Variants in SGCD observed in about 807,000 individuals in gnomAD.
The protein encoded by SGCD is sarcoglycan delta, also known as delta-sarcoglycan.
A neutral mutation model predicts 36.6 loss-of-function variants in SGCD; 18 were observed. The observed-to-expected ratio is 0.49, with a 90% CI of 0.34 to 0.73. SGCD has a LOEUF of 0.73. Among genes scored for constraint, SGCD ranks in the 30% least tolerant of loss-of-function variants. The probability of loss-of-function intolerance (pLI) is 0.01; values close to 1 mark genes in which losing one functional copy is unlikely to be tolerated. For synonymous variants in SGCD, 133 were observed against 130.6 expected (o/e 1.02, Z -0.12); for missense variants, 387 against 346.7 (o/e 1.12, Z -0.92).
chr5:155,937,041 C>T (rs1234182294), intron 1 of SGCD, among the ~76,000 whole-genome samples: 4 of 152,308 alleles, frequency 2.6e-5, no homozygotes, highest in East Asian at 3.9e-4. Context: ...GTAGCAGACA[C>T]GTCCAAGCCT....
intron 4 of SGCD, among the ~76,000 whole-genome samples, chr5:156,575,307 G>A (rs533032886): frequency 1.3e-5 from 2 of 152,270 alleles, no homozygotes; most frequent in African/African-American, 4.8e-5. Context: ...GGCTTTCTCA[G>A]AAACCATGGT....
chr5:156,218,661 A>T, intron 3 of SGCD, among the ~76,000 whole-genome samples: 1 of 151,808 alleles, frequency 6.6e-6, no homozygotes, highest in Non-Finnish European at 1.5e-5. Flanking sequence ...TTCCATTCTT[A>T]CTCTATTTCC....
chr5:155,798,287 C>T, the SGCD span, among the ~76,000 whole-genome samples: 1 of 152,200 alleles, frequency 6.6e-6, no homozygotes, highest in Non-Finnish European at 1.5e-5. Flanking sequence ...ACTGATTTAG[C>T]ATACTTTGTT....
intron 4 of SGCD, among the ~76,000 whole-genome samples, chr5:156,528,052 CTGTT>C (rs1051872309): frequency 5.9e-5 from 9 of 151,902 alleles, no homozygotes; most frequent in African/African-American, 1.7e-4. Flanking sequence ...TTACATTTAC[CTGTT>C]TGTTTGTTTC....
intron 1 of SGCD, among the ~76,000 whole-genome samples, chr5:156,068,518 A>G (rs1760413296): frequency 6.6e-6 from 1 of 151,838 alleles, no homozygotes; most frequent in African/African-American, 2.4e-5. Context: ...AATCCAGTCT[A>G]TCATTGTTGG....
At chr5:156,644,234 T>A (rs1210986823) in intron 6 of SGCD, among the ~76,000 whole-genome samples, 1 of 152,190 alleles carries the variant, frequency 6.6e-6, no homozygotes, top group African/African-American at 2.4e-5. Flanking sequence ...TCCTAGTAAT[T>A]TTTGTGTCTA....
chr5:156,539,602 T>C (rs1221272418), intron 4 of SGCD, among the ~76,000 whole-genome samples: 2 of 152,188 alleles, frequency 1.3e-5, no homozygotes, highest in African/African-American at 4.8e-5. Context: ...TTCATTTTTA[T>C]GGCTGAGTAG....
At chr5:156,235,875 A>T (rs1270832427) in intron 3 of SGCD, among the ~76,000 whole-genome samples, 1 of 152,174 alleles carries the variant, frequency 6.6e-6, no homozygotes, top group Non-Finnish European at 1.5e-5. Flanking sequence ...GGAAATTGGG[A>T]AATCCAAAGA....
rs1278769077 is a variant in SGCD, at chr5:156,015,384, A to T, written c.-281-102494A>T. ...TCTTCTGTCCTTTTTATACATCTTC[A>T]TTATCTTTTGAGCATTTATTCCCTT... On this transcript the variant is annotated intron_variant, in intron 1 of 9. Transcript: ENST00000517913. Among the ~76,000 whole-genome samples, 3 of 152,080 alleles carry T rather than the reference A, an allele frequency of 2.0e-5. No homozygotes were observed. The East Asian group carries it at 5.8e-4, about 29-fold the overall frequency.
intron 1 of SGCD, among the ~76,000 whole-genome samples, chr5:156,106,967 C>T (rs552263024): frequency 1.5e-4 from 23 of 152,228 alleles, no homozygotes; most frequent in African/African-American, 5.1e-4. Flanking sequence ...TATCCTATTG[C>T]TTATGTTCTT....
chr5:156,598,441 C>T (rs1056658706), intron 6 of SGCD, among the ~76,000 whole-genome samples: 4 of 152,154 alleles, frequency 2.6e-5, no homozygotes, highest in African/African-American at 9.7e-5. Context: ...ACTGGGGAGG[C>T]TGAGGCAGGA....
intron 3 of SGCD, among the ~76,000 whole-genome samples, chr5:156,267,778 T>C (rs1317232848): frequency 6.6e-6 from 1 of 152,234 alleles, no homozygotes; most frequent in Non-Finnish European, 1.5e-5. Context: ...AATTTCCATC[T>C]ACACAATTTG....
chr5:156,574,130 T>A lies in SGCD; in HGVS notation c.295-15101T>A, dbSNP rs116806151. ...CAATGCTATTCTCTCCCCCATACTT[T>A]ATAGGTGGGGAAATGGAGATACAGC... On this transcript the variant is annotated intron_variant, in intron 4 of 8. Transcript: ENST00000337851. Among the ~76,000 whole-genome samples, 30 of 152,294 alleles carry A rather than the reference T, an allele frequency of 2.0e-4. No homozygotes were observed. The Middle Eastern group carries it at 0.024, about 121-fold the overall frequency.
At chr5:156,074,561 TC>T (rs377387331) in intron 1 of SGCD, among the ~76,000 whole-genome samples, 22 of 152,078 alleles carry the variant, frequency 1.4e-4, no homozygotes, top group African/African-American at 4.8e-4. Flanking sequence ...ATGCCTGTAG[TC>T]CGAGCTACTT....
rs1021602528 is a variant in SGCD, at chr5:156,629,845, G to A, written c.503-17619G>A. On this transcript the variant is annotated intron_variant, in intron 6 of 8. Coordinates refer to ENST00000337851, the MANE Select transcript of SGCD (RefSeq NM_000337.6). The stretch of plus-strand genomic sequence containing the variant: ...AGTCCCTGGTCTAGGCTCTGGTTTT[G>A]AGACTTTTTCTTTTTTTTTTTTTTT... Among the ~76,000 whole-genome samples the A allele has an allele frequency of 3.4e-5, 5 of 146,784 alleles. No individual in the cohort carries two copies. In the East Asian group the frequency reaches 1.0e-3, roughly 30 times the overall value.
intron 3 of SGCD, among the ~76,000 whole-genome samples, chr5:156,279,222 C>A (rs929573153): frequency 1.3e-5 from 2 of 152,070 alleles, no homozygotes; most frequent in Non-Finnish European, 2.9e-5. Context: ...GGGTAGGAAA[C>A]ACAAAAAATC....
chr5:156,271,633 A>ATG (rs774618283), intron 3 of SGCD, among the ~76,000 whole-genome samples: 128 of 151,658 alleles, frequency 8.4e-4, no homozygotes, highest in Middle Eastern at 3.4e-3. Context: ...ATGTGTGTGT[A>ATG]TGTGTGTGTG....
intron 4 of SGCD, among the ~76,000 whole-genome samples, chr5:156,563,377 T>G (rs1759348926): frequency 6.6e-6 from 1 of 152,086 alleles, no homozygotes. Context: ...TAACCGATAA[T>G]TAGTCTGAGA....
intron 1 of SGCD, among the ~76,000 whole-genome samples, chr5:156,073,841 T>A (rs1190550237): frequency 6.6e-6 from 1 of 152,212 alleles, no homozygotes; most frequent in East Asian, 1.9e-4. Flanking sequence ...AAGTCCCATA[T>A]GTTCAGTTGA....
Sources: gnomAD v4.1 joint callset for allele counts (sites outside exome capture counted in the v4.1 genomes callset) on GRCh38, gnomAD v4.1.1 for gene constraint, MANE v1.5 for transcripts, NCBI Gene and HGNC (gene_info 2026-07-23, HGNC 2026-07-21) for gene names.